GABRG1: variants seen among roughly 807,000 people sequenced by gnomAD.
The protein encoded by GABRG1 is gamma-aminobutyric acid receptor subunit gamma-1.
GABRG1 carries 49 observed loss-of-function variants against 49.8 expected under a neutral mutation model. The observed-to-expected ratio is 0.98, with a 90% confidence interval of 0.78 to 1.25. GABRG1 has a LOEUF of 1.25. GABRG1 is among the 50% of genes most tolerant of loss of function. The pLI is 0.00. For synonymous variants in GABRG1, 232 were observed against 185.1 expected, an observed-to-expected ratio of 1.25 and a Z score of -2.06; for missense variants, 552 against 552.3, an observed-to-expected ratio of 1.00 and a Z score of 0.01.
At position 46,073,333 on chromosome 4, in the gene GABRG1, C is replaced by T. The variant is rs1322078870; in HGVS notation, c.322-7749G>A. On this transcript the variant is annotated intron_variant, in intron 3 of 8. Transcript: ENST00000295452. ...AGATACAAGGAAGCCTTTCCAAGAT[C>T]ATAGAACGTGTAAGAGATTCTGATC... Among the ~76,000 whole-genome samples, 3 of 151,892 alleles carry T rather than the reference C, an allele frequency of 2.0e-5. No individual in the cohort carries two copies. The Admixed American group carries it at 2.0e-4, about 10-fold the overall frequency.
At chr4:46,070,268 A>G (rs953483626) in intron 3 of GABRG1, among the ~76,000 whole-genome samples, 52 of 152,002 alleles carry the variant, frequency 3.4e-4, no homozygotes, top group African/African-American at 1.2e-3. Flanking sequence ...TGCTCAATCA[A>G]CATTTCCTAC....
chr4:46,060,919 C>A (rs1392311279), intron 5 of GABRG1, among the ~76,000 whole-genome samples: 1 of 152,034 alleles, frequency 6.6e-6, no homozygotes, highest in Non-Finnish European at 1.5e-5. Flanking sequence ...ATTGGGACTG[C>A]AATGAAATCT....
At chr4:46,043,674 T>C (rs1039577578) in intron 8 of GABRG1, among the ~76,000 whole-genome samples, 1 of 151,970 alleles carries the variant, frequency 6.6e-6, no homozygotes, top group Non-Finnish European at 1.5e-5. Context: ...AACAAATCAG[T>C]TAAAGCAATT....
chr4:46,068,828 A>C (rs2109411589), intron 3 of GABRG1, among the ~76,000 whole-genome samples: 1 of 152,240 alleles, frequency 6.6e-6, no homozygotes, highest in African/African-American at 2.4e-5. Flanking sequence ...AATAAGCAAA[A>C]GAAAAACATA....
intron 5 of GABRG1, among the ~76,000 whole-genome samples, chr4:46,060,185 C>A (rs1486869804): frequency 2.6e-5 from 4 of 151,862 alleles, no homozygotes; most frequent in Non-Finnish European, 5.9e-5. Flanking sequence ...TAATTAGATT[C>A]TCTCAAGAAG....
chr4:46,094,968 A>G (rs1398353979), intron 2 of GABRG1, among the ~76,000 whole-genome samples: 1 of 151,946 alleles, frequency 6.6e-6, no homozygotes, highest in Non-Finnish European at 1.5e-5. Flanking sequence ...CCCCACAGTT[A>G]AGTATATTCA....
rs1276830702 is a variant in GABRG1, at chr4:46,065,561, A to C, written c.345T>G (p.Phe115Leu). ...AACGACTGTCAAACCAGGTTTGGGCAAAAATTATATCTATTGTATATTCCT... is the reference window on the plus strand; with the variant it reads ...AACGACTGTCAAACCAGGTTTGGGCCAAAATTATATCTATTGTATATTCCT... ...INMEYTIDII[F>L]AQTWFDSRLK... The change falls in exon 4 of 9, where the codon TTT becomes TTG. Residue 115 changes from phenylalanine to leucine, a missense_variant. By Grantham distance (22) the Phe-to-Leu change is conservative (BLOSUM62 0). Transcript: ENST00000295452. 6.6e-7 allele frequency: 1 copy of C among 1,526,422 alleles called. No homozygotes were observed. Among genetic ancestry groups the C allele is most frequent in the Admixed American group, 1.7e-5 (1 of 59,714 alleles). The allele number at this position is 1,526,422 out of a possible 1,614,324, so 94.6% of individuals were successfully genotyped here.
At chr4:46,053,147 T>A (rs960275937) in intron 7 of GABRG1, among the ~76,000 whole-genome samples, 23 of 152,056 alleles carry the variant, frequency 1.5e-4, no homozygotes, top group Admixed American at 5.3e-4. Context: ...GTCTTTTTTT[T>A]AAATTTCCAA....
chr4:46,040,883 C>T lies in GABRG1; in HGVS notation c.*105G>A. 2.6e-6 allele frequency: 3 copies of T among 1,139,410 alleles called. No individual in the cohort carries two copies. In the East Asian group the frequency reaches 7.1e-5, roughly 27 times the overall value. The allele number at this position is 1,139,410 out of a possible 1,614,324, so 70.6% of individuals were successfully genotyped here. On this transcript the variant is annotated 3_prime_UTR_variant, in exon 9 of 9. Transcript: ENST00000295452. ...GTTACAATACTATTCACATTTTAAC[C>T]ATTGGTCTCTCTGCATTTTAAATTT...
At position 46,036,063 on chromosome 4, in the gene GABRG1, A is replaced by AG. The variant is rs1717509337; in HGVS notation, c.*4924_*4925insC. 6.6e-6 allele frequency: 1 copy of AG among 151,972 alleles called. No individual in the cohort carries two copies. The highest frequency in any genetic ancestry group is 6.6e-5 in the Admixed American group (1 of 15,244). 9.4% of individuals were successfully genotyped at this position (151,972 alleles called of 1,614,324 possible). A position where few individuals can be genotyped will look rare whatever the true frequency, so the allele number is the denominator to read the frequency against. ...GTAAATCATGTCTCAAAAGTCTTCT[A>AG]ATTAGCCCTTTTTGCTTAGCTGCAT... is the stretch of plus-strand genomic sequence containing the variant. On this transcript the variant is annotated 3_prime_UTR_variant, in exon 9 of 9. Transcript: ENST00000295452.
At chr4:46,122,257 T>C (rs1721108018) in intron 1 of GABRG1, among the ~76,000 whole-genome samples, 1 of 152,082 alleles carries the variant, frequency 6.6e-6, no homozygotes. Flanking sequence ...AAACATCTCT[T>C]GGGATAGATA....
At chr4:46,060,495 A>G (rs963889821) in intron 5 of GABRG1, among the ~76,000 whole-genome samples, 1 of 152,140 alleles carries the variant, frequency 6.6e-6, no homozygotes, top group South Asian at 2.1e-4. Flanking sequence ...GTAGCTAAAA[A>G]GTTCTTTCTA....
rs1239800695 is a variant in GABRG1, at chr4:46,097,216, G to A, written c.238C>T (p.Arg80Cys). 9 of 1,607,498 alleles carry A rather than the reference G, an allele frequency of 5.6e-6. No homozygotes were observed. Among genetic ancestry groups the A allele is most frequent in the African/African-American group, 2.7e-5 (2 of 74,574 alleles). ...TCAAGCTTACCTCCTATATCTGGACGAAGTTTATTGTCATAGCCTTGAAGC... is the reference window on the plus strand; with the variant it reads ...TCAAGCTTACCTCCTATATCTGGACAAAGTTTATTGTCATAGCCTTGAAGC... ...SLLQGYDNKL[R>C]PDIGVRPTVI... Residue 80 changes from arginine to cysteine, a missense_variant, in exon 2 of 9, where the codon CGT becomes TGT. By Grantham distance (180) the Arg-to-Cys change is radical (BLOSUM62 -3). Transcript: ENST00000295452.
Position 46,040,571 on chromosome 4 carries a change from GTC to G in GABRG1, c.*415_*416del, listed in dbSNP as rs1388742735. On this transcript the variant is annotated 3_prime_UTR_variant, in exon 9 of 9. Coordinates refer to ENST00000295452, the MANE Select transcript of GABRG1 (RefSeq NM_173536.4). The stretch of plus-strand genomic sequence containing the variant: ...AAAAGCAAGAAAAAACAAATTAACA[GTC>G]TTTTTTCTGGCACAAAAGTTGCTAC... 6.6e-6 allele frequency: 1 copy of G among 152,654 alleles called. No homozygotes were observed. The highest frequency in any genetic ancestry group is 1.9e-4 in the East Asian group (1 of 5,200). 9.5% of individuals were successfully genotyped at this position (152,654 alleles called of 1,614,324 possible).
At chr4:46,042,892 A>T (rs1178328412) in intron 8 of GABRG1, among the ~76,000 whole-genome samples, 1 of 151,964 alleles carries the variant, frequency 6.6e-6, no homozygotes, top group African/African-American at 2.4e-5. Flanking sequence ...TTGCTTAGCT[A>T]TATCACAAAA....
chr4:46,043,783 C>T (rs931267654), intron 8 of GABRG1, among the ~76,000 whole-genome samples: 1 of 151,882 alleles, frequency 6.6e-6, no homozygotes, highest in Non-Finnish European at 1.5e-5. Flanking sequence ...AAGAATATAG[C>T]TGAGCTCACT....
rs979083243 is a variant in GABRG1, at chr4:46,037,795, T to G, written c.*3193A>C. 1 of 151,904 alleles carries G rather than the reference T, an allele frequency of 6.6e-6. No individual in the cohort carries two copies. The allele number at this position is 151,904 out of a possible 1,614,324, so 9.4% of individuals were successfully genotyped here. A position where few individuals can be genotyped will look rare whatever the true frequency, so the allele number is the denominator to read the frequency against. On this transcript the variant is annotated 3_prime_UTR_variant, in exon 9 of 9. Transcript: ENST00000295452. ...TCTTGTAAAATCAAAGTGTTTTGTG[T>G]ATTTTTCACAAATTTTGACCTGGAA...
At chr4:46,077,958 G>A (rs1010564990) in intron 3 of GABRG1, among the ~76,000 whole-genome samples, 4 of 151,400 alleles carry the variant, frequency 2.6e-5, no homozygotes, top group African/African-American at 4.8e-5. Flanking sequence ...AAGAAACAGC[G>A]ATGAAAATGA....
chr4:46,087,349 T>C (rs1719809231), intron 2 of GABRG1, among the ~76,000 whole-genome samples: 1 of 151,712 alleles, frequency 6.6e-6, no homozygotes. Context: ...AATATTATCT[T>C]CCTGGTTTTC....
Sources: allele counts gnomAD v4.1 joint callset (sites outside exome capture counted in the v4.1 genomes callset), GRCh38; gene constraint gnomAD v4.1.1; transcripts MANE v1.5; gene names NCBI Gene and HGNC (gene_info 2026-07-23, HGNC 2026-07-21).